C5orf22: variants seen among roughly 807,000 people sequenced by gnomAD.
The protein encoded by C5orf22 is chromosome 5 open reading frame 22, also known as UPF0489 protein C5orf22.
C5orf22 carries 36 observed loss-of-function variants against 48.7 expected under a neutral mutation model. The observed-to-expected ratio is 0.74, with a 90% CI of 0.57 to 0.98. The LOEUF is 0.98. Among genes scored for constraint, C5orf22 ranks in the 50% least tolerant of loss-of-function variants. The pLI, the probability that C5orf22 is intolerant of heterozygous loss-of-function variation, is 0.00. For missense variants in C5orf22, 486 were observed against 521.9 expected (o/e 0.93, Z 0.67); for synonymous variants, 141 against 180.8 (o/e 0.78, Z 1.76).
chr5:31,535,064 A>G (rs1741991533), intron 2 of C5orf22: 1 of 448,636 alleles, frequency 2.2e-6, no homozygotes, highest in African/African-American at 2.0e-5. Flanking sequence ...ATGTAATTGG[A>G]AAAGGAAAGA....
intron 4 of C5orf22, 29 bp downstream of exon 4, chr5:31,538,718 T>C: frequency 6.6e-7 from 1 of 1,515,154 alleles, no homozygotes; most frequent in Non-Finnish European, 9.0e-7. Context: ...AACACATAGA[T>C]CTTGAGAATT....
chr5:31,552,640 T>C (rs1743354841), intron 8 of C5orf22, 133 bp from the exon 9 acceptor site: 1 of 699,486 alleles, frequency 1.4e-6, no homozygotes, highest in African/African-American at 1.8e-5. Flanking sequence ...TCACTAGCTT[T>C]CAATTGATAT....
At chr5:31,540,908 T>C in intron 4 of C5orf22, 41 bp from the exon 5 acceptor site, 22 of 1,476,904 alleles carry the variant, frequency 1.5e-5, no homozygotes, top group Non-Finnish European at 2.1e-5. Context: ...AATTTTAACT[T>C]TTTTTTTTCT....
At chr5:31,545,959 T>C (rs924846009) in intron 7 of C5orf22, among the ~76,000 whole-genome samples, 2 of 152,194 alleles carry the variant, frequency 1.3e-5, no homozygotes, top group Non-Finnish European at 2.9e-5. Flanking sequence ...TCCTGTGTGT[T>C]TTTTGTAATT....
rs114615951 is a variant in C5orf22, at chr5:31,541,001, A to G, written c.860A>G (p.Asn287Ser). The G allele has an allele frequency of 2.9e-3, 4,745 of 1,610,560 alleles. 130 individuals are homozygous for G. The African/African-American group carries it at 0.054, about 18-fold the overall frequency. Residue 287 changes from asparagine to serine, a missense_variant, in exon 5 of 9, where the codon AAC becomes AGC. Coordinates refer to ENST00000325366, the MANE Select transcript of C5orf22 (RefSeq NM_018356.3). Reference protein sequence around the residue: ...ELYQFKKPGTNLTEEDLVDIV... With the variant: ...ELYQFKKPGTSLTEEDLVDIV... ...TACCAATTTAAGAAACCTGGCACCA[A>G]CCTAACAGAGGTATCCTCCATTTGT...
At position 31,544,202 on chromosome 5, in the gene C5orf22, C is replaced by T. The variant is rs555207101; in HGVS notation, c.993-1444C>T. Among the ~76,000 whole-genome samples the T allele has an allele frequency of 7.0e-4, 106 of 152,174 alleles. No homozygotes were observed. The South Asian group carries it at 0.01, about 15-fold the overall frequency. ...TTTCTTTTTTTACTCCCAGCAAATT[C>T]GTGAATATTTGTGGAGGAGGAATTA... On this transcript the variant is annotated intron_variant, in intron 6 of 8. Coordinates refer to ENST00000325366, the MANE Select transcript of C5orf22 (RefSeq NM_018356.3).
chr5:31,538,622 C>T lies in C5orf22; in HGVS notation c.740C>T (p.Ala247Val), dbSNP rs147678231. Residue 247 changes from alanine to valine, a missense_variant, in exon 4 of 9, where the codon GCA becomes GTA. Physicochemically the swap from Ala to Val is moderately conservative, Grantham distance 64. Around this residue, in one of 3 missense-constraint regions of C5orf22, gnomAD observed 408 missense variants for 444.0 expected, o/e 0.92. Coordinates refer to ENST00000325366, the MANE Select transcript of C5orf22 (RefSeq NM_018356.3). ...EILEILKKGK[A>V]FVLDIDLDFF... ...CTGGAAATTTTGAAGAAAGGGAAGG[C>T]ATTTGTTTTAGATATTGACTTGGAT... 9.9e-6 allele frequency: 16 copies of T among 1,613,912 alleles called. No homozygotes were observed. The highest frequency in any genetic ancestry group is 1.6e-4 in the Middle Eastern group (1 of 6,062).
intron 6 of C5orf22, among the ~76,000 whole-genome samples, chr5:31,543,675 T>G (rs1742610825): frequency 6.6e-6 from 1 of 152,150 alleles, no homozygotes; most frequent in African/African-American, 2.4e-5. Flanking sequence ...GATAGAAAAA[T>G]AAGTCACAGG....
rs545880776 is a variant in C5orf22, at chr5:31,532,338, C to T, written c.-55C>T. The T allele has an allele frequency of 2.5e-6, 4 of 1,584,228 alleles. No individual in the cohort carries two copies. The highest frequency in any genetic ancestry group is 4.5e-5 in the East Asian group (2 of 44,710). ...CTGGCCGGGATGAGGCGCCGGCTTT[C>T]CCGGGTCTTCTCCAGCTGCCACCGC... is the stretch of plus-strand genomic sequence containing the variant. On this transcript the variant is annotated 5_prime_UTR_variant, in exon 1 of 9. Coordinates refer to ENST00000325366, the MANE Select transcript of C5orf22 (RefSeq NM_018356.3).
chr5:31,552,333 T>C (rs911436062), intron 8 of C5orf22, among the ~76,000 whole-genome samples: 5 of 152,186 alleles, frequency 3.3e-5, no homozygotes, highest in African/African-American at 9.7e-5. Context: ...TTTTTAGAAA[T>C]AGGATCCTTT....
chr5:31,546,852 G>A (rs1742913032), intron 7 of C5orf22, among the ~76,000 whole-genome samples: 1 of 152,110 alleles, frequency 6.6e-6, no homozygotes, highest in Admixed American at 6.5e-5. Context: ...TTTGGATGGG[G>A]ACACAGCCAC....
At chr5:31,543,086 C>T (rs1742571318) in intron 6 of C5orf22, among the ~76,000 whole-genome samples, 1 of 152,166 alleles carries the variant, frequency 6.6e-6, no homozygotes, top group Admixed American at 6.5e-5. Flanking sequence ...TGAGAAATTA[C>T]TTCTTTTGCT....
intron 5 of C5orf22, 43 bp from the exon 6 acceptor site, chr5:31,541,238 G>T (rs7737182): frequency 6.4e-7 from 1 of 1,570,912 alleles, no homozygotes; most frequent in Non-Finnish European, 8.7e-7. Flanking sequence ...CTTGTTTTTT[G>T]AAAGAATAAC....
chr5:31,535,304 G>A (rs1390513771), intron 2 of C5orf22, among the ~76,000 whole-genome samples: 2 of 152,174 alleles, frequency 1.3e-5, no homozygotes, highest in Non-Finnish European at 2.9e-5. Flanking sequence ...AAACTATGTA[G>A]CAGGAGAGCT....
chr5:31,544,546 T>C (rs1025472601), intron 6 of C5orf22, among the ~76,000 whole-genome samples: 15 of 151,378 alleles, frequency 9.9e-5, no homozygotes, highest in African/African-American at 3.6e-4. Context: ...ATCGTGCCAC[T>C]GCACTCCAGC....
chr5:31,539,733 C>G (rs1038159693), intron 4 of C5orf22, among the ~76,000 whole-genome samples: 1 of 147,216 alleles, frequency 6.8e-6, no homozygotes, highest in Non-Finnish European at 1.5e-5. Context: ...AGATGTTCAT[C>G]TTTTTTTTTT....
chr5:31,548,354 C>T (rs1743026671), intron 7 of C5orf22: 2 of 234,976 alleles, frequency 8.5e-6, no homozygotes, highest in African/African-American at 4.7e-5. Flanking sequence ...CTCTTGAATG[C>T]TTTGCTGCTT....
At chr5:31,535,219 C>T (rs567240955) in intron 2 of C5orf22, among the ~76,000 whole-genome samples, 65 of 152,204 alleles carry the variant, frequency 4.3e-4, no homozygotes, top group Non-Finnish European at 6.9e-4. Flanking sequence ...TTCTTGACCA[C>T]TCCTTTCAAG....
At chr5:31,549,897 T>C (rs541241780) in intron 7 of C5orf22, among the ~76,000 whole-genome samples, 79 of 152,280 alleles carry the variant, frequency 5.2e-4, no homozygotes, top group Non-Finnish European at 1.0e-3. Flanking sequence ...GAAAATGCTT[T>C]GAATTCATAC....
Sources: allele counts gnomAD v4.1 joint callset (sites outside exome capture counted in the v4.1 genomes callset), GRCh38; gene constraint gnomAD v4.1.1; regional missense constraint gnomAD v4.1.1; transcripts MANE v1.5; gene names NCBI Gene and HGNC (gene_info 2026-07-23, HGNC 2026-07-21).